The following ABL2 variants were observed in gnomAD, a reference collection of about 807,000 sequenced individuals.
ABL2 encodes the protein ABL proto-oncogene 2, non-receptor tyrosine kinase.
In ABL2, 49 loss-of-function variants were observed where a neutral mutation model predicts 107.7. That is an observed-to-expected ratio of 0.45 (90% CI 0.36 to 0.58). ABL2 has a LOEUF of 0.58. Ranked by LOEUF, ABL2 falls within the 20% of genes least tolerant of loss-of-function variation. The pLI, the probability that ABL2 is intolerant of heterozygous loss-of-function variation, is 0.00. For missense variants in ABL2, 1,245 were observed against 1,457.0 expected (o/e 0.85, Z 2.37); for synonymous variants, 549 against 548.6 (o/e 1.00, Z -0.01).
At chr1:179,149,915 A>G (rs930759972) in intron 1 of ABL2, among the ~76,000 whole-genome samples, 40 of 152,340 alleles carry the variant, frequency 2.6e-4, no homozygotes, top group Non-Finnish European at 5.3e-4. Context: ...ATCAATGAGT[A>G]ATTTCAAGTC....
At position 179,100,251 on chromosome 1, in the gene ABL2, G is replaced by C. The variant is rs1398758262; in HGVS notation, c.*7467C>G. ...GAGAAATTGCTGTCAAAATGGAGGA[G>C]AGCTGGTTTCTCTGGCCCTCATCTA... On this transcript the variant is annotated 3_prime_UTR_variant, in exon 12 of 12. Transcript: ENST00000502732. 4.4e-6 allele frequency: 1 copy of C among 227,832 alleles called. No individual in the cohort carries two copies. Among genetic ancestry groups the C allele is most frequent in the African/African-American group, 2.2e-5 (1 of 45,066 alleles). The allele number at this position is 227,832 out of a possible 1,614,324, so 14.1% of individuals were successfully genotyped here. A position where few individuals can be genotyped will look rare whatever the true frequency, so the allele number is the denominator to read the frequency against.
chr1:179,204,658 A>T (rs544260055), intron 1 of ABL2, among the ~76,000 whole-genome samples: 1 of 152,128 alleles, frequency 6.6e-6, no homozygotes, highest in African/African-American at 2.4e-5. Context: ...GAGGCATGAG[A>T]ATCGCTTGAA....
rs937236129 is a variant in ABL2, at chr1:179,102,970, G to A, written c.*4748C>T. On this transcript the variant is annotated 3_prime_UTR_variant, in exon 12 of 12. Transcript: ENST00000502732. ...CCTGTAAACCTAACAAAACTATGCA[G>A]GACATAGGTTAAAAAAGACACTGTC... 2.7e-5 allele frequency: 6 copies of A among 225,534 alleles called. No homozygotes were observed. Among genetic ancestry groups the A allele is most frequent in the Admixed American group, 1.1e-4 (2 of 17,500 alleles). The allele number at this position is 225,534 out of a possible 1,614,324, so 14.0% of individuals were successfully genotyped here.
chr1:179,104,160 C>G lies in ABL2; in HGVS notation c.*3558G>C, dbSNP rs928858857. On this transcript the variant is annotated 3_prime_UTR_variant, in exon 12 of 12. Coordinates refer to ENST00000502732, the MANE Select transcript of ABL2 (RefSeq NM_007314.4). ...GAGTGTGCTCATTGTGTGCCAGGCA[C>G]TTGAGCTAAGTATCTTACAAATATC... 4.3e-6 allele frequency: 1 copy of G among 231,780 alleles called. No homozygotes were observed. Among genetic ancestry groups the G allele is most frequent in the Non-Finnish European group, 8.5e-6 (1 of 117,206 alleles). The allele number at this position is 231,780 out of a possible 1,614,324, so 14.4% of individuals were successfully genotyped here.
At chr1:179,175,373 T>C (rs1659982905) in intron 1 of ABL2, among the ~76,000 whole-genome samples, 1 of 152,210 alleles carries the variant, frequency 6.6e-6, no homozygotes, top group African/African-American at 2.4e-5. Flanking sequence ...CTTTACCCTT[T>C]TCCCTGGTCC....
chr1:179,227,072 G>A (rs992628762), intron 1 of ABL2, among the ~76,000 whole-genome samples: 5 of 152,172 alleles, frequency 3.3e-5, no homozygotes, highest in African/African-American at 4.8e-5. Context: ...TTCAGGTAAA[G>A]ACTAGCCAAT....
At chr1:179,129,970 C>T (rs529494751) in intron 3 of ABL2, among the ~76,000 whole-genome samples, 1 of 152,298 alleles carries the variant, frequency 6.6e-6, no homozygotes, top group Non-Finnish European at 1.5e-5. Context: ...GACGGCATCT[C>T]ACTCTGTCGC....
intron 1 of ABL2, among the ~76,000 whole-genome samples, chr1:179,195,535 T>C (rs1661260139): frequency 6.6e-6 from 1 of 152,152 alleles, no homozygotes; most frequent in African/African-American, 2.4e-5. Flanking sequence ...TGTATATATA[T>C]ATTCAAAAGA....
intron 7 of ABL2, among the ~76,000 whole-genome samples, chr1:179,117,939 C>T (rs1057512019): frequency 2.0e-5 from 3 of 149,000 alleles, no homozygotes; most frequent in East Asian, 2.0e-4. Flanking sequence ...GGCAACATGG[C>T]GAAACCCAGT....
chr1:179,117,248 C>T (rs2102611336), intron 8 of ABL2, 84 bp downstream of exon 8: 2 of 1,366,686 alleles, frequency 1.5e-6, no homozygotes, highest in South Asian at 1.2e-5. Flanking sequence ...GGATACTGAA[C>T]ATCGTAAGAG....
chr1:179,195,801 T>C (rs1176476145), intron 1 of ABL2, among the ~76,000 whole-genome samples: 1 of 152,206 alleles, frequency 6.6e-6, no homozygotes, highest in Non-Finnish European at 1.5e-5. Context: ...AAATACTATA[T>C]GATTCCATTT....
intron 1 of ABL2, chr1:179,143,146 C>A: frequency 6.9e-7 from 1 of 1,439,210 alleles, no homozygotes; most frequent in East Asian, 2.5e-5. Context: ...GACATTTACT[C>A]ATGTACTCAG....
intron 1 of ABL2, among the ~76,000 whole-genome samples, chr1:179,228,314 T>G (rs1663344507): frequency 6.6e-6 from 1 of 151,680 alleles, no homozygotes. Flanking sequence ...GCCATTGCAC[T>G]CCATCATGGG....
At chr1:179,194,131 A>C (rs1409130571) in intron 1 of ABL2, among the ~76,000 whole-genome samples, 1 of 152,236 alleles carries the variant, frequency 6.6e-6, no homozygotes, top group South Asian at 2.1e-4. Context: ...TGGTCAAAAC[A>C]GAGTTAACAT....
intron 6 of ABL2, among the ~76,000 whole-genome samples, 190 bp downstream of exon 6, chr1:179,120,000 G>A (rs941478854): frequency 2.0e-5 from 3 of 152,174 alleles, no homozygotes; most frequent in African/African-American, 4.8e-5. Flanking sequence ...GCGGGGCATG[G>A]TGGCTCATGC....
chr1:179,228,107 G>C (rs1016702040), intron 1 of ABL2, among the ~76,000 whole-genome samples: 2 of 146,346 alleles, frequency 1.4e-5, no homozygotes, highest in African/African-American at 5.1e-5. Context: ...GCTCACACCC[G>C]TAATCCCAGC....
chr1:179,185,259 T>C lies in ABL2; in HGVS notation c.157+43982A>G, dbSNP rs1557983084. Among the ~76,000 whole-genome samples, 5 of 152,290 alleles carry C rather than the reference T, an allele frequency of 3.3e-5. No homozygotes were observed. The South Asian group carries it at 1.0e-3, about 32-fold the overall frequency. On this transcript the variant is annotated intron_variant, in intron 1 of 11. Transcript: ENST00000502732. ...GGGTTAAGCGGGCATTTTGACAACA[T>C]GGCTTCTCTTTTGGCATGTTAAATT...
At position 179,133,323 on chromosome 1, in the gene ABL2, C is replaced by T; in HGVS notation, c.209G>A (p.Gly70Asp). 1 of 1,614,158 alleles carries T rather than the reference C, an allele frequency of 6.2e-7. No individual in the cohort carries two copies. The highest frequency in any genetic ancestry group is 8.5e-7 in the Non-Finnish European group (1 of 1,180,036). ...TCAACATCTCTCACCTGGACTACTG[C>T]CTCCAGTCTTGTCTCCCTCAAATCC... The part of the protein sequence containing the change: ...EDGFEGDKTG[G>D]SSPEALHRPY... Residue 70 changes from glycine to aspartate, a missense_variant, in exon 2 of 12, where the codon GGC becomes GAC. By Grantham distance (94) the Gly-to-Asp change is moderately conservative. Transcript: ENST00000502732.
At chr1:179,144,168 C>T (rs1043815670) in intron 1 of ABL2, among the ~76,000 whole-genome samples, 13 of 151,976 alleles carry the variant, frequency 8.6e-5, no homozygotes, top group Admixed American at 6.6e-4. Context: ...TATTAAAGAG[C>T]GTTTGTAGGC....
Sources: allele counts gnomAD v4.1 joint callset (sites outside exome capture counted in the v4.1 genomes callset), GRCh38; gene constraint gnomAD v4.1.1; transcripts MANE v1.5; gene names NCBI Gene and HGNC (gene_info 2026-07-23, HGNC 2026-07-21).